The following LGSN variants were observed in gnomAD, a reference collection of about 807,000 sequenced individuals.
LGSN encodes lengsin.
LGSN carries 21 observed loss-of-function variants against 19.5 expected under a neutral mutation model. That is an observed-to-expected ratio of 1.07 (90% confidence interval 0.76 to 1.55). The LOEUF (loss-of-function observed/expected upper bound fraction) is 1.55, where lower values mean the gene tolerates loss of function less well. Ranked by LOEUF, LGSN falls within the 40% of genes most tolerant of loss-of-function variation. The pLI, the probability that LGSN is intolerant of heterozygous loss-of-function variation, is 0.00. For missense variants in LGSN, 673 were observed against 608.5 expected, an observed-to-expected ratio of 1.11 and a Z score of -1.12; for synonymous variants, 257 against 215.6, an observed-to-expected ratio of 1.19 and a Z score of -1.68.
At chr6:63,286,291 T>C (rs964584405) in intron 2 of LGSN, among the ~76,000 whole-genome samples, 1 of 152,210 alleles carries the variant, frequency 6.6e-6, no homozygotes, top group Admixed American at 6.5e-5. Context: ...CTAAGAAATA[T>C]ACATATTTCT....
the LGSN span, among the ~76,000 whole-genome samples, chr6:63,486,591 T>A: frequency 6.6e-6 from 1 of 152,054 alleles, no homozygotes; most frequent in Non-Finnish European, 1.5e-5. Context: ...ACACAGTGGG[T>A]TTGTGTAACA....
At chr6:63,352,611 T>C in the LGSN span, among the ~76,000 whole-genome samples, 6 of 151,778 alleles carry the variant, frequency 4.0e-5, no homozygotes. Context: ...CACTGAGCCA[T>C]GATCACACCA....
chr6:63,496,858 G>A, the LGSN span, among the ~76,000 whole-genome samples: 2 of 152,042 alleles, frequency 1.3e-5, no homozygotes, highest in African/African-American at 4.8e-5. Context: ...CCAGGAAGTG[G>A]TTGTGTCAAA....
chr6:63,441,658 C>T, the LGSN span: 2 of 477,568 alleles, frequency 4.2e-6, no homozygotes. Context: ...AGAAAGAGTG[C>T]CAGAGAAAGG....
At chr6:63,537,193 A>G in the LGSN span, among the ~76,000 whole-genome samples, 20 of 152,222 alleles carry the variant, frequency 1.3e-4, no homozygotes, top group Non-Finnish European at 2.6e-4. Context: ...GGGTGGGGAC[A>G]GTAGAAGTAT....
At chr6:63,427,545 T>C in the LGSN span, among the ~76,000 whole-genome samples, 2 of 152,214 alleles carry the variant, frequency 1.3e-5, no homozygotes, top group Admixed American at 1.3e-4. Context: ...AATTTTTTAA[T>C]GTGCTAATTT....
intron 1 of LGSN, among the ~76,000 whole-genome samples, chr6:63,312,110 A>G (rs1410846647): frequency 6.6e-6 from 1 of 152,196 alleles, no homozygotes; most frequent in African/African-American, 2.4e-5. Context: ...GGCTAAGCTA[A>G]TTATTGCCTG....
chr6:63,566,160 A>G, the LGSN span, among the ~76,000 whole-genome samples: 1 of 152,252 alleles, frequency 6.6e-6, no homozygotes, highest in Non-Finnish European at 1.5e-5. Context: ...GAGAATTCGT[A>G]CAACAGAGTA....
At chr6:63,447,818 A>G in the LGSN span, among the ~76,000 whole-genome samples, 2 of 152,180 alleles carry the variant, frequency 1.3e-5, no homozygotes, top group Non-Finnish European at 2.9e-5. Flanking sequence ...TATTTGAGTT[A>G]GTTTGTAGAT....
At chr6:63,389,930 C>A in the LGSN span, among the ~76,000 whole-genome samples, 163 of 151,532 alleles carry the variant, frequency 1.1e-3, no homozygotes, top group Middle Eastern at 3.4e-3. Flanking sequence ...CTTCCTCCCC[C>A]ATCCCCCACA....
chr6:63,459,095 A>G, the LGSN span, among the ~76,000 whole-genome samples: 1 of 152,216 alleles, frequency 6.6e-6, no homozygotes, highest in East Asian at 1.9e-4. Context: ...GACCAAGTCT[A>G]TTGTTGTATT....
chr6:63,402,119 G>A, the LGSN span, among the ~76,000 whole-genome samples: 1 of 152,184 alleles, frequency 6.6e-6, no homozygotes, highest in Non-Finnish European at 1.5e-5. Context: ...TTTGATGACA[G>A]TGGATTTTTT....
chr6:63,345,386 T>C, the LGSN span, among the ~76,000 whole-genome samples: 40 of 152,290 alleles, frequency 2.6e-4, no homozygotes, highest in African/African-American at 9.6e-4. Context: ...AAATCTAAAA[T>C]AATAGTAGCT....
At chr6:63,326,806 C>T in the LGSN span, among the ~76,000 whole-genome samples, 7 of 152,218 alleles carry the variant, frequency 4.6e-5, no homozygotes, top group African/African-American at 1.4e-4. Flanking sequence ...AAGTGCCGTG[C>T]GCAGCCCCAG....
At chr6:63,505,633 G>GAAATAAATAAATAAATAAAT in the LGSN span, among the ~76,000 whole-genome samples, 35 of 97,218 alleles carry the variant, frequency 3.6e-4, 3 homozygotes, top group Middle Eastern at 4.5e-3. Flanking sequence ...AAGAAAGAAA[G>GAAATAAATAAATAAATAAAT]AAATTCTGGC....
the LGSN span, among the ~76,000 whole-genome samples, chr6:63,477,643 C>CTTTTTTTTTTTTT: frequency 8.3e-6 from 1 of 121,082 alleles, no homozygotes. Context: ...GGTTTTCATC[C>CTTTTTTTTTTTTT]TTTTTTTTTT....
chr6:63,412,188 A>G, the LGSN span, among the ~76,000 whole-genome samples: 1 of 151,926 alleles, frequency 6.6e-6, no homozygotes, highest in East Asian at 2.0e-4. Flanking sequence ...CCAACACGGC[A>G]AAACCCTGTG....
chr6:63,326,154 C>T, the LGSN span, among the ~76,000 whole-genome samples: 123 of 152,154 alleles, frequency 8.1e-4, no homozygotes, highest in Admixed American at 1.2e-3. Flanking sequence ...TCGATTGGTG[C>T]GTTCACAAAC....
intron 1 of LGSN, among the ~76,000 whole-genome samples, chr6:63,313,326 G>A (rs1768705560): frequency 6.6e-6 from 1 of 152,004 alleles, no homozygotes; most frequent in South Asian, 2.1e-4. Flanking sequence ...AAGCATGTGA[G>A]CAGCAGCTAG....
Sources: allele counts gnomAD v4.1 joint callset (sites outside exome capture counted in the v4.1 genomes callset), GRCh38; gene constraint gnomAD v4.1.1; transcripts MANE v1.5; gene names NCBI Gene and HGNC (gene_info 2026-07-23, HGNC 2026-07-21).